The following CDK5RAP2 variants were observed in gnomAD, a reference collection of about 807,000 sequenced individuals.
CDK5RAP2 encodes the protein CDK5 regulatory subunit associated protein 2.
In CDK5RAP2, 147 loss-of-function variants were observed where a neutral mutation model predicts 232.9. That is an observed-to-expected ratio of 0.63 (90% confidence interval 0.55 to 0.72). CDK5RAP2 has a LOEUF of 0.72. CDK5RAP2 is among the 30% of genes least tolerant of loss of function. CDK5RAP2 has a pLI of 0.00. For synonymous variants in CDK5RAP2, 833 were observed against 833.7 expected (o/e 1.00, Z 0.01); for missense variants, 2,195 against 2,231.5 (o/e 0.98, Z 0.33).
chr9:120,404,080 G>A lies in CDK5RAP2; in HGVS notation c.4997C>T (p.Ser1666Leu), dbSNP rs763392632. ...CTGGGAGGAATCAAACAGATCAAAT[G>A]AATTATCACTTTCCATGGGATATTT... ...GDKYPMESDN[S>L]FDLFDSSQAV... is the part of the protein sequence containing the mutation. The change falls in exon 33 of 38, where the codon TCA becomes TTA. Residue 1666 changes from serine (S) to leucine (L), a missense_variant. Transcript: ENST00000349780. 5.6e-6 allele frequency: 9 copies of A among 1,613,520 alleles called. No individual in the cohort carries two copies. Among genetic ancestry groups the A allele is most frequent in the Non-Finnish European group, 7.6e-6 (9 of 1,179,416 alleles).
At position 120,550,083 on chromosome 9, in the gene CDK5RAP2, T is replaced by C. The variant is rs557180333; in HGVS notation, c.306+709A>G. 1.1e-4 allele frequency among the ~76,000 whole-genome samples: 16 copies of C among 152,328 alleles called. No homozygotes were observed. In the East Asian group the frequency reaches 2.7e-3, roughly 26 times the overall value. On this transcript the variant is annotated intron_variant, in intron 4 of 37. Transcript: ENST00000349780. Reference sequence around the variant, plus strand: ...CTAGAAAAAGCCAAGAAACAGGCACTGAAATATTGTTTGTACTCCTGTCTT... The same window carrying C: ...CTAGAAAAAGCCAAGAAACAGGCACCGAAATATTGTTTGTACTCCTGTCTT...
chr9:120,402,904 G>A lies in CDK5RAP2; in HGVS notation c.5209C>T (p.Leu1737=). 1.2e-6 allele frequency: 2 copies of A among 1,614,112 alleles called. No homozygotes were observed. The change falls in exon 34 of 38, where the codon CTG becomes TTG. Residue 1737 remains leucine, a synonymous_variant. Transcript: ENST00000349780. ...TGTCCCTGGCTGATCTGTTTGAGCA[G>A]GGCCTCATAGTCCTCAATCAGGCCC... is the stretch of plus-strand genomic sequence containing the variant. The part of the protein sequence containing the change: ...VLGLIEDYEA[L]LKQISQGQRL...
intron 24 of CDK5RAP2, 81 bp downstream of exon 24, chr9:120,439,318 T>C: frequency 3.3e-6 from 4 of 1,206,154 alleles, no homozygotes; most frequent in Non-Finnish European, 4.9e-6. Flanking sequence ...TAGTGTTCTC[T>C]TTTAGCTCAT....
chr9:120,488,570 A>T (rs537021163), intron 13 of CDK5RAP2, among the ~76,000 whole-genome samples: 1 of 152,276 alleles, frequency 6.6e-6, no homozygotes, highest in Admixed American at 6.5e-5. Flanking sequence ...CCATGTTTCT[A>T]TATTACATTC....
At chr9:120,397,122 G>A (rs938117945) in intron 35 of CDK5RAP2, among the ~76,000 whole-genome samples, 2 of 152,212 alleles carry the variant, frequency 1.3e-5, no homozygotes, top group Admixed American at 6.5e-5. Flanking sequence ...CCTCCCAGGA[G>A]GCCTCAGGCT....
chr9:120,453,577 CTT>C lies in CDK5RAP2; in HGVS notation c.2670_2671del (p.Glu892GlyfsTer42). On this transcript the variant is annotated frameshift_variant, in exon 21 of 38. Transcript: ENST00000349780. LOFTEE classifies it high-confidence loss of function. ...GATCGGTTTCTCTTCCCAAGCCTCT[CTT>C]GTTGCTTCATGCTTGAATCTCAGCA... 2 of 1,614,158 alleles carry C rather than the reference CTT, an allele frequency of 1.2e-6. No homozygotes were observed. Among genetic ancestry groups the C allele is most frequent in the Non-Finnish European group, 1.7e-6 (2 of 1,180,020 alleles).
chr9:120,447,040 C>G (rs1462857459), intron 22 of CDK5RAP2, among the ~76,000 whole-genome samples: 2 of 152,200 alleles, frequency 1.3e-5, no homozygotes, highest in African/African-American at 2.4e-5. Context: ...GCTTTGGTCA[C>G]TCCTCTCTCC....
At position 120,411,955 on chromosome 9, in the gene CDK5RAP2, C is replaced by G. The variant is rs1312511697; in HGVS notation, c.4298-481G>C. On this transcript the variant is annotated intron_variant, in intron 28 of 37. Transcript: ENST00000349780. The stretch of plus-strand genomic sequence containing the variant: ...GCTGGGAGCCATTCTAAACCCCTTT[C>G]TCTTCCACTGCCCAGTCAAGCAATC... Among the ~76,000 whole-genome samples, 3 of 149,850 alleles carry G rather than the reference C, an allele frequency of 2.0e-5. No individual in the cohort carries two copies. In the East Asian group the frequency reaches 5.8e-4, roughly 29 times the overall value.
In CDK5RAP2 at chr9:120,458,466, A is replaced by T. The variant is rs765136288; in HGVS notation, c.2359T>A (p.Leu787Ile). 6.2e-7 allele frequency: 1 copy of T among 1,614,154 alleles called. No individual in the cohort carries two copies. Among genetic ancestry groups the T allele is most frequent in the Non-Finnish European group, 8.5e-7 (1 of 1,180,014 alleles). ...LAPLFNEKAT[L>I]LLESRPDLLK... Reference sequence around the variant, plus strand: ...CATGTATACCTGGATTCCAGTAATAATGTGGCCTTCTCATTGAACAAAGGG... The same window carrying T: ...CATGTATACCTGGATTCCAGTAATATTGTGGCCTTCTCATTGAACAAAGGG... Residue 787 changes from leucine (L) to isoleucine (I), a missense_variant, in exon 20 of 38, where the codon TTA becomes ATA. Transcript: ENST00000349780.
chr9:120,543,138 C>A (rs751886151), intron 5 of CDK5RAP2, among the ~76,000 whole-genome samples: 6 of 152,210 alleles, frequency 3.9e-5, no homozygotes, highest in Non-Finnish European at 8.8e-5. Context: ...TCCATGACAT[C>A]CCCCTTCCCA....
At position 120,480,519 on chromosome 9, in the gene CDK5RAP2, C is replaced by T. The variant is rs192892399; in HGVS notation, c.1627-3069G>A. On this transcript the variant is annotated intron_variant, in intron 14 of 37. Transcript: ENST00000349780. ...TTCATAGCTACGGCAGTTACTTATA[C>T]TCACCACCATATCTTACTATTTAAC... Among the ~76,000 whole-genome samples the T allele has an allele frequency of 7.2e-5, 11 of 152,324 alleles. No homozygotes were observed. In the East Asian group the frequency reaches 1.5e-3, roughly 21 times the overall value.
intron 21 of CDK5RAP2, among the ~76,000 whole-genome samples, chr9:120,452,463 T>C (rs557696013): frequency 8.0e-4 from 121 of 152,116 alleles, no homozygotes; most frequent in Non-Finnish European, 1.5e-3. Flanking sequence ...GTACAGTTGA[T>C]TTCTCAAATA....
chr9:120,400,859 C>A lies in CDK5RAP2; in HGVS notation c.5334G>T (p.Lys1778Asn), dbSNP rs1486242177. 6.2e-7 allele frequency: 1 copy of A among 1,614,132 alleles called. No individual in the cohort carries two copies. The highest frequency in any genetic ancestry group is 2.2e-5 in the East Asian group (1 of 44,868). The change falls in exon 35 of 38, where the codon AAG becomes AAT. Residue 1778 changes from lysine to asparagine, a missense_variant. Coordinates refer to ENST00000349780, the MANE Select transcript of CDK5RAP2 (RefSeq NM_018249.6). Reference protein sequence around the residue: ...TKGPHPAPLSKFVSSVSTAKL... With the variant: ...TKGPHPAPLSNFVSSVSTAKL... ...TGGCCGTGCTCACACTGCTCACAAA[C>A]TTGCTCAGTGGTGCTGGGTGTGGAC...
intron 13 of CDK5RAP2, among the ~76,000 whole-genome samples, chr9:120,489,009 C>T (rs1208547973): frequency 6.6e-6 from 1 of 152,174 alleles, no homozygotes; most frequent in Admixed American, 6.5e-5. Context: ...TGGAATCATC[C>T]TACGAGAGCT....
intron 2 of CDK5RAP2, among the ~76,000 whole-genome samples, chr9:120,571,117 T>C (rs1273081574): frequency 6.6e-6 from 1 of 152,062 alleles, no homozygotes; most frequent in Non-Finnish European, 1.5e-5. Context: ...TGATCGCACC[T>C]CTGCACTCCC....
intron 25 of CDK5RAP2, among the ~76,000 whole-genome samples, chr9:120,429,806 A>G (rs1341994003): frequency 6.6e-6 from 1 of 152,230 alleles, no homozygotes; most frequent in African/African-American, 2.4e-5. Flanking sequence ...CGCCAAGTCA[A>G]TCCTAAGCCA....
chr9:120,572,322 C>A (rs1245944808), intron 1 of CDK5RAP2, among the ~76,000 whole-genome samples: 1 of 152,164 alleles, frequency 6.6e-6, no homozygotes, highest in African/African-American at 2.4e-5. Context: ...GGCACTGTGA[C>A]AAGTACAAGA....
intron 35 of CDK5RAP2, among the ~76,000 whole-genome samples, chr9:120,395,417 G>A (rs374316676): frequency 2.0e-5 from 3 of 152,240 alleles, no homozygotes; most frequent in African/African-American, 4.8e-5. Context: ...TGCTCCATTA[G>A]AAGAAACTCT....
chr9:120,567,430 TTCTC>T (rs2042687333), intron 3 of CDK5RAP2, among the ~76,000 whole-genome samples: 4 of 152,218 alleles, frequency 2.6e-5, no homozygotes, highest in Non-Finnish European at 4.4e-5. Flanking sequence ...GTCCTCCATC[TTCTC>T]TCTGTTAAGT....
Sources: gnomAD v4.1 joint callset for allele counts (sites outside exome capture counted in the v4.1 genomes callset) on GRCh38, gnomAD v4.1.1 for gene constraint, MANE v1.5 for transcripts, NCBI Gene and HGNC (gene_info 2026-07-23, HGNC 2026-07-21) for gene names.